Variants in CFH observed in about 807,000 individuals in gnomAD.
The protein encoded by CFH is H factor 1 (complement).
In CFH, 53 loss-of-function variants were observed where a neutral mutation model predicts 147.3. The observed-to-expected ratio is 0.36, with a 90% CI of 0.29 to 0.45. The LOEUF (loss-of-function observed/expected upper bound fraction) is 0.45, where lower values mean the gene tolerates loss of function less well. Ranked by LOEUF, CFH falls within the 20% of genes least tolerant of loss-of-function variation. The pLI, the probability that CFH is intolerant of heterozygous loss-of-function variation, is 1.00. For missense variants in CFH, 1,380 were observed against 1,498.0 expected (o/e 0.92, Z 1.30); for synonymous variants, 536 against 489.4 (o/e 1.10, Z -1.26).
At chr1:196,691,675 T>C (rs1668027510) in intron 9 of CFH, among the ~76,000 whole-genome samples, 1 of 151,930 alleles carries the variant, frequency 6.6e-6, no homozygotes, top group South Asian at 2.1e-4. Context: ...CTTTTAATTA[T>C]ACGTAATGCA....
intron 9 of CFH, among the ~76,000 whole-genome samples, chr1:196,703,559 T>C (rs1444978992): frequency 1.3e-5 from 2 of 152,172 alleles, no homozygotes; most frequent in Non-Finnish European, 2.9e-5. Context: ...CATGGTGCCA[T>C]CTATTTGGTG....
intron 6 of CFH, among the ~76,000 whole-genome samples, chr1:196,681,000 G>A (rs189225586): frequency 2.0e-5 from 3 of 152,006 alleles, no homozygotes; most frequent in African/African-American, 7.2e-5. Flanking sequence ...GGCTAATGGT[G>A]TGTGGGGTCC....
rs143237092 is a variant in CFH at position 196,726,545 on chromosome 1, G to T, written c.1949G>T (p.Gly650Val). Residue 650 changes from glycine (G) to valine (V), a missense_variant, in exon 13 of 22, where the codon GGA (glycine) becomes GTA (valine). This residue lies in a region of CFH where 830 missense variants were observed against 821.4 expected (regional missense o/e 1.01). Transcript: ENST00000367429. ...AAGGAAAAAACGAAAGAAGAATATGGACACAGTGAAGTGGTGGAATATTAT... is the reference window on the plus strand; with the variant it reads ...AAGGAAAAAACGAAAGAAGAATATGTACACAGTGAAGTGGTGGAATATTAT... ...NVKEKTKEEY[G>V]HSEVVEYYCN... is the part of the protein sequence containing the mutation. 3.3e-4 allele frequency: 531 copies of T among 1,612,812 alleles called. 2 individuals carry two copies. The highest frequency in any genetic ancestry group is 4.2e-4 in the Non-Finnish European group (491 of 1,179,036).
intron 16 of CFH, 75 bp downstream of exon 16, chr1:196,737,081 G>T: frequency 7.7e-7 from 1 of 1,294,640 alleles, no homozygotes; most frequent in Non-Finnish European, 1.1e-6. Flanking sequence ...GTGTAAACAA[G>T]AGAGAAGTTC....
intron 15 of CFH, among the ~76,000 whole-genome samples, chr1:196,732,338 A>G (rs797013896): frequency 2.0e-4 from 30 of 151,818 alleles, no homozygotes; most frequent in African/African-American, 7.0e-4. Flanking sequence ...TTTGTTTGGT[A>G]TTTTAAAAAT....
chr1:196,741,639 C>A, intron 18 of CFH: 1 of 496,798 alleles, frequency 2.0e-6, no homozygotes, highest in Non-Finnish European at 3.6e-6. Flanking sequence ...TCAATTGCTA[C>A]GGCTACCAAT....
intron 17 of CFH, among the ~76,000 whole-genome samples, chr1:196,739,797 C>G (rs1652745106): frequency 6.6e-6 from 1 of 152,196 alleles, no homozygotes; most frequent in Non-Finnish European, 1.5e-5. Context: ...GTTATCTTTA[C>G]AGCAGCACCC....
chr1:196,729,812 G>A (rs374127594), intron 15 of CFH, among the ~76,000 whole-genome samples: 1 of 151,638 alleles, frequency 6.6e-6, no homozygotes, highest in African/African-American at 2.4e-5. Flanking sequence ...TGAATTAATC[G>A]TCGTAGGCTG....
chr1:196,676,816 A>G (rs1277459473), intron 4 of CFH, among the ~76,000 whole-genome samples: 2 of 152,126 alleles, frequency 1.3e-5, no homozygotes, highest in South Asian at 2.1e-4. Flanking sequence ...GGGAACATCT[A>G]CATTGAAATC....
At chr1:196,689,386 T>A in intron 7 of CFH, 34 bp from the exon 8 acceptor site, 1 of 1,570,402 alleles carries the variant, frequency 6.4e-7, no homozygotes. Context: ...ACAGTAAAAT[T>A]TCTTTATACT....
intron 7 of CFH, among the ~76,000 whole-genome samples, chr1:196,687,051 A>G (rs1667853387): frequency 6.6e-6 from 1 of 152,080 alleles, no homozygotes; most frequent in African/African-American, 2.4e-5. Flanking sequence ...TCAGCATTCA[A>G]AGAGACTCTT....
In CFH at chr1:196,675,969, T is replaced by C. The variant is rs903230936; in HGVS notation, c.351-20T>C. ...GTAAACACACATTATGTCAACGTTCTGTTATTTTTTGGTTTTCAGGTATCA... is the reference window on the plus strand; with the variant it reads ...GTAAACACACATTATGTCAACGTTCCGTTATTTTTTGGTTTTCAGGTATCA... On this transcript the variant is annotated intron_variant, in intron 3 of 21. Transcript: ENST00000367429. 18 of 1,541,898 alleles carry C rather than the reference T, an allele frequency of 1.2e-5. No homozygotes were observed. The highest frequency in any genetic ancestry group is 1.6e-5 in the Non-Finnish European group (18 of 1,115,310).
chr1:196,671,877 A>G (rs891459310), intron 1 of CFH, among the ~76,000 whole-genome samples: 3 of 149,714 alleles, frequency 2.0e-5, no homozygotes, highest in African/African-American at 4.9e-5. Flanking sequence ...AGAAAAGTGA[A>G]CATATATATA....
chr1:196,653,056 AAATTTTGAT>A (rs955719128), intron 1 of CFH, among the ~76,000 whole-genome samples: 20 of 151,974 alleles, frequency 1.3e-4, no homozygotes, highest in Non-Finnish European at 2.7e-4. Context: ...CTTAGTAAAG[AAATTTTGAT>A]TGAGTGACCA....
Position 196,685,244 on chromosome 1 carries a change from T to G in CFH, c.964+7T>G. 6.2e-7 allele frequency: 1 copy of G among 1,612,548 alleles called. No individual in the cohort carries two copies. Among genetic ancestry groups the G allele is most frequent in the Non-Finnish European group, 8.5e-7 (1 of 1,178,946 alleles). On this transcript the variant is annotated splice_region_variant and intron_variant, in intron 7 of 21. Transcript: ENST00000367429. ...CCTGCTCCGAGATGTACCTGTAAGT[T>G]CCATTCATATCTTGACCCATTTCTT...
chr1:196,681,539 A>AT (rs1413099002), intron 6 of CFH, among the ~76,000 whole-genome samples: 3 of 151,318 alleles, frequency 2.0e-5, no homozygotes, highest in Non-Finnish European at 3.0e-5. Context: ...TTCTTTTATA[A>AT]TTTTTTTCCA....
At chr1:196,721,275 T>C (rs953296534) in intron 11 of CFH, among the ~76,000 whole-genome samples, 3 of 152,072 alleles carry the variant, frequency 2.0e-5, no homozygotes, top group African/African-American at 7.2e-5. Flanking sequence ...TGTTTATTAT[T>C]TCCTTTGCTG....
chr1:196,663,017 G>A (rs1666961086), intron 1 of CFH, among the ~76,000 whole-genome samples: 1 of 152,106 alleles, frequency 6.6e-6, no homozygotes. Flanking sequence ...TTGCTATTGA[G>A]AAGTCTTTGT....
chr1:196,670,818 T>TAG (rs1249857838), intron 1 of CFH, among the ~76,000 whole-genome samples: 1 of 152,188 alleles, frequency 6.6e-6, no homozygotes, highest in Non-Finnish European at 1.5e-5. Context: ...TTAGAAATTT[T>TAG]GATTTTGTGA....
Sources: allele counts gnomAD v4.1 joint callset (sites outside exome capture counted in the v4.1 genomes callset), GRCh38; gene constraint gnomAD v4.1.1; regional missense constraint gnomAD v4.1.1; transcripts MANE v1.5; gene names NCBI Gene and HGNC (gene_info 2026-07-23, HGNC 2026-07-21).